The following NBPF11 variants were observed in gnomAD, a reference collection of about 807,000 sequenced individuals.
The protein encoded by NBPF11 is NBPF member 11, also known as NBPF family member NBPF11.
NBPF11 carries 72 observed loss-of-function variants against 93.9 expected under a neutral mutation model. That is an observed-to-expected ratio of 0.77 (90% CI 0.63 to 0.93). NBPF11 has a LOEUF of 0.93. Among genes scored for constraint, NBPF11 ranks in the 40% least tolerant of loss-of-function variants. The pLI is 0.00. For synonymous variants in NBPF11, 224 were observed against 304.9 expected (o/e 0.73, Z 2.76); for missense variants, 705 against 802.2 (o/e 0.88, Z 1.46).
At chr1:148,105,746 A>AC (rs1663420262) in intron 21 of NBPF11, among the ~76,000 whole-genome samples, 41 of 99,232 alleles carry the variant, frequency 4.1e-4, no homozygotes, top group African/African-American at 2.3e-3. Flanking sequence ...ACACACACAC[A>AC]AACACACACA....
At chr1:148,131,911 C>A (rs1670397693) in intron 4 of NBPF11, among the ~76,000 whole-genome samples, 1 of 100,198 alleles carries the variant, frequency 1.0e-5, no homozygotes, top group Non-Finnish European at 2.0e-5. Flanking sequence ...TATATCCTCA[C>A]CAACATGTGC....
intron 8 of NBPF11, among the ~76,000 whole-genome samples, chr1:148,122,526 C>A (rs1357363741): frequency 6.6e-6 from 1 of 152,022 alleles, no homozygotes; most frequent in East Asian, 1.9e-4. Context: ...CTCAGCTATC[C>A]CTGTATGGTA....
Position 148,103,924 on chromosome 1 carries a change from G to A in NBPF11, c.2582-12C>T. On this transcript the variant is annotated splice_polypyrimidine_tract_variant and intron_variant, in intron 23 of 23. Coordinates refer to ENST00000682118, the MANE Select transcript of NBPF11 (RefSeq NM_001385469.3). ...GCACGCTGCTGAGCCTGGAAAAGGA[G>A]ACAAAACTAAAGAAGCAGCCAGGGA... 1.2e-6 allele frequency: 2 copies of A among 1,610,716 alleles called. No homozygotes were observed. Among genetic ancestry groups the A allele is most frequent in the South Asian group, 1.1e-5 (1 of 90,970 alleles).
intron 15 of NBPF11, among the ~76,000 whole-genome samples, chr1:148,111,745 G>T (rs1665329242): frequency 6.6e-6 from 1 of 151,720 alleles, no homozygotes; most frequent in Non-Finnish European, 1.5e-5. Context: ...AATAAATATG[G>T]GACTATGTGA....
Position 148,109,489 on chromosome 1 carries a change from G to A in NBPF11, c.1802-154C>T. ...AATATTCCAGTAGGCCTGAGGTCAAGTCTTGAGAAAACTGGCTTGGGTTCT... is the reference window on the plus strand; with the variant it reads ...AATATTCCAGTAGGCCTGAGGTCAAATCTTGAGAAAACTGGCTTGGGTTCT... On this transcript the variant is annotated intron_variant, in intron 16 of 23. Transcript: ENST00000682118. 25 of 678,550 alleles carry A rather than the reference G, an allele frequency of 3.7e-5. 1 individual carries two copies. The South Asian group carries it at 3.9e-4, about 11-fold the overall frequency. The allele number at this position is 678,550 out of a possible 1,614,324, so 42.0% of individuals were successfully genotyped here. A position where few individuals can be genotyped will look rare whatever the true frequency, so the allele number is the denominator to read the frequency against.
intron 4 of NBPF11, among the ~76,000 whole-genome samples, chr1:148,134,926 G>C (rs1415163994): frequency 8.6e-5 from 13 of 151,892 alleles, no homozygotes; most frequent in African/African-American, 3.2e-4. Context: ...ACCATGCTTT[G>C]CTTCTGCAAG....
At chr1:148,132,255 GGGGGTGTGTATACA>G (rs1670518254) in intron 4 of NBPF11, among the ~76,000 whole-genome samples, 1 of 142,696 alleles carries the variant, frequency 7.0e-6, no homozygotes, top group South Asian at 2.1e-4. Context: ...GTGTGTGTGT[GGGGGTGTGTATACA>G]TATATATATG....
intron 1 of NBPF11, among the ~76,000 whole-genome samples, chr1:148,144,686 A>G (rs1412624172): frequency 6.6e-6 from 1 of 151,974 alleles, no homozygotes; most frequent in East Asian, 1.9e-4. Flanking sequence ...TATTAAAACT[A>G]AAATGGCCAG....
At chr1:148,138,577 C>A (rs1671712116) in intron 2 of NBPF11, among the ~76,000 whole-genome samples, 1 of 151,586 alleles carries the variant, frequency 6.6e-6, no homozygotes, top group Non-Finnish European at 1.5e-5. Context: ...AGCATGCTGC[C>A]TTCAAGCATT....
chr1:148,111,483 C>T (rs1278680298), intron 15 of NBPF11, among the ~76,000 whole-genome samples: 3 of 151,884 alleles, frequency 2.0e-5, no homozygotes, highest in African/African-American at 7.3e-5. Context: ...GCGAACTCAT[C>T]GCAAGGAAGC....
Position 148,149,479 on chromosome 1 carries a change from C to T in NBPF11, c.-549+2271G>A, listed in dbSNP as rs1259168383. On this transcript the variant is annotated intron_variant, in intron 1 of 23. Coordinates refer to ENST00000682118, the MANE Select transcript of NBPF11 (RefSeq NM_001385469.3). The stretch of plus-strand genomic sequence containing the variant: ...TGGAGCCGCTGTGGGTGGAGGGCGC[C>T]GGGCACAACGACATCGAGCTCTACA... 6.3e-6 allele frequency: 10 copies of T among 1,591,454 alleles called. No homozygotes were observed. In the East Asian group the frequency reaches 6.7e-5, roughly 11 times the overall value.
rs1161025349 is a variant in NBPF11 at position 148,146,279 on chromosome 1, G to T, written c.-548-2593C>A. The T allele has an allele frequency of 3.9e-6, 5 of 1,298,436 alleles. No individual in the cohort carries two copies. The African/African-American group carries it at 8.0e-5, about 21-fold the overall frequency. 80.4% of individuals were successfully genotyped at this position (1,298,436 alleles called of 1,614,324 possible). A position where few individuals can be genotyped will look rare whatever the true frequency, so the allele number is the denominator to read the frequency against. On this transcript the variant is annotated intron_variant, in intron 1 of 23. Coordinates refer to ENST00000682118, the MANE Select transcript of NBPF11 (RefSeq NM_001385469.3). ...CTGCTGTCTGGGGCGGTAGCTGGGG[G>T]GGCGCTCTCCCCCCTGCCCGCGACT...
intron 17 of NBPF11, 63 bp downstream of exon 17, chr1:148,109,221 C>T (rs1664648873): frequency 1.1e-6 from 1 of 950,496 alleles, no homozygotes; most frequent in South Asian, 1.3e-5. Context: ...GTACTGTTTT[C>T]CCTGGACTTG....
At position 148,147,015 on chromosome 1, in the gene NBPF11, G is replaced by A. The variant is rs1352408084; in HGVS notation, c.-548-3329C>T. 1.3e-5 allele frequency: 17 copies of A among 1,309,084 alleles called. No homozygotes were observed. In the African/African-American group the frequency reaches 1.3e-4, roughly 10 times the overall value. The allele number at this position is 1,309,084 out of a possible 1,614,324, so 81.1% of individuals were successfully genotyped here. On this transcript the variant is annotated intron_variant, in intron 1 of 23. Transcript: ENST00000682118. ...GCGGGCTTCCCTGGGAGGAAGGTGG[G>A]CGGCCCTGCAGGAGGGGAGCCACAG...
At position 148,103,902 on chromosome 1, in the gene NBPF11, C is replaced by A. The variant is rs1478955538; in HGVS notation, c.2592G>T (p.Ala864=). ...IKTHHAPGSA[A]C Reference sequence around the variant, plus strand: ...TCAGGCACTTCCACTTCCATCAGCACGCTGCTGAGCCTGGAAAAGGAGACA... The same window carrying A: ...TCAGGCACTTCCACTTCCATCAGCAAGCTGCTGAGCCTGGAAAAGGAGACA... Residue 864 remains alanine, a synonymous_variant, in exon 24 of 24, where the codon GCG becomes GCT. Transcript: ENST00000682118. The A allele has an allele frequency of 1.9e-6, 3 of 1,610,746 alleles. No homozygotes were observed. Among genetic ancestry groups the A allele is most frequent in the African/African-American group, 2.7e-5 (2 of 74,562 alleles).
chr1:148,109,438 G>C lies in NBPF11; in HGVS notation c.1802-103C>G, dbSNP rs1553268193. On this transcript the variant is annotated intron_variant, in intron 16 of 23. Coordinates refer to ENST00000682118, the MANE Select transcript of NBPF11 (RefSeq NM_001385469.3). Reference sequence around the variant, plus strand: ...TAACACAGGGACATCAGTCTTGTCAGTGTGAAAACAGGAGACTTTGAGAGA... The same window carrying C: ...TAACACAGGGACATCAGTCTTGTCACTGTGAAAACAGGAGACTTTGAGAGA... 2.0e-5 allele frequency: 17 copies of C among 857,290 alleles called. 1 individual carries two copies. The highest frequency in any genetic ancestry group is 8.1e-5 in the South Asian group (6 of 74,426). The allele number at this position is 857,290 out of a possible 1,614,324, so 53.1% of individuals were successfully genotyped here. A position where few individuals can be genotyped will look rare whatever the true frequency, so the allele number is the denominator to read the frequency against.
At chr1:148,125,970 T>A (rs1669012340) in intron 5 of NBPF11, among the ~76,000 whole-genome samples, 1 of 151,968 alleles carries the variant, frequency 6.6e-6, no homozygotes, top group African/African-American at 2.4e-5. Flanking sequence ...AGGTACTCTC[T>A]GCTTTTTATT....
intron 15 of NBPF11, among the ~76,000 whole-genome samples, chr1:148,114,236 A>G (rs1452178576): frequency 6.6e-6 from 1 of 151,506 alleles, no homozygotes; most frequent in South Asian, 2.1e-4. Flanking sequence ...GGCTCATCTG[A>G]TGGCAAGTTC....
intron 1 of NBPF11, chr1:148,146,281 GC>G (rs1673036994): frequency 7.7e-7 from 1 of 1,303,820 alleles, no homozygotes; most frequent in African/African-American, 1.6e-5. Context: ...AGCTGGGGGG[GC>G]GCTCTCCCCC....
Sources: allele counts gnomAD v4.1 joint callset (sites outside exome capture counted in the v4.1 genomes callset), GRCh38; gene constraint gnomAD v4.1.1; transcripts MANE v1.5; gene names NCBI Gene and HGNC (gene_info 2026-07-23, HGNC 2026-07-21).